The following KLK3 variants were observed in gnomAD, a reference collection of about 807,000 sequenced individuals.
KLK3 encodes the protein kallikrein related peptidase 3.
Under a neutral mutation model 27.7 loss-of-function variants are expected in KLK3, and 23 were observed. That is an observed-to-expected ratio of 0.83 (90% CI 0.60 to 1.17). KLK3 has a LOEUF of 1.17. Among genes scored for constraint, KLK3 ranks in the 50% most tolerant of loss-of-function variants. The probability of loss-of-function intolerance (pLI) is 0.00; values close to 1 mark genes in which losing one functional copy is unlikely to be tolerated. For missense variants in KLK3, 322 were observed against 338.1 expected (o/e 0.95, Z 0.37); for synonymous variants, 142 against 134.2 (o/e 1.06, Z -0.40).
chr19:50,860,426 G>A lies in KLK3; in HGVS notation c.*299G>A. ...TGGGGTACAGAGATGAAAGAGGGGT[G>A]GGATCCACACTGAGAGAGTGGAGAG... is the stretch of plus-strand genomic sequence containing the variant. On this transcript the variant is annotated 3_prime_UTR_variant, in exon 5 of 5. Coordinates refer to ENST00000326003, the MANE Select transcript of KLK3 (RefSeq NM_001648.2). 1 of 272,302 alleles carries A rather than the reference G, an allele frequency of 3.7e-6. No individual in the cohort carries two copies. The highest frequency in any genetic ancestry group is 7.0e-6 in the Non-Finnish European group (1 of 142,958). The allele number at this position is 272,302 out of a possible 1,614,324, so 16.9% of individuals were successfully genotyped here. A position where few individuals can be genotyped will look rare whatever the true frequency, so the allele number is the denominator to read the frequency against.
At chr19:50,859,439 C>T in intron 4 of KLK3, 1 of 994,438 alleles carries the variant, frequency 1.0e-6, no homozygotes, top group Non-Finnish European at 1.6e-6. Flanking sequence ...TGGCTCCAGG[C>T]ATTGTCCCCA....
At position 50,858,938 on chromosome 19, in the gene KLK3, G is replaced by A. The variant is rs949766980; in HGVS notation, c.630+343G>A. 8.8e-6 allele frequency: 4 copies of A among 456,318 alleles called. No homozygotes were observed. The Admixed American group carries it at 1.1e-4, about 13-fold the overall frequency. 28.3% of individuals were successfully genotyped at this position (456,318 alleles called of 1,614,324 possible). On this transcript the variant is annotated intron_variant, in intron 4 of 4. Coordinates refer to ENST00000326003, the MANE Select transcript of KLK3 (RefSeq NM_001648.2). ...CCCAAGCCAGTGAGGGGCACAGGCA[G>A]GAACAGGGACCACAACACAGAAAAG...
At chr19:50,856,523 G>A in intron 2 of KLK3, 124 bp downstream of exon 2, 1 of 1,272,142 alleles carries the variant, frequency 7.9e-7, no homozygotes, top group Non-Finnish European at 1.1e-6. Context: ...GAAAGTTCTG[G>A]TTCAGGTCAC....
intron 1 of KLK3, chr19:50,855,890 A>C: frequency 5.3e-6 from 1 of 189,754 alleles, no homozygotes; most frequent in Non-Finnish European, 1.1e-5. Context: ...ACTTGTACCA[A>C]GTTTCCCTTC....
At chr19:50,859,515 T>C in intron 4 of KLK3, 1 of 1,604,594 alleles carries the variant, frequency 6.2e-7, no homozygotes, top group Non-Finnish European at 8.5e-7. Context: ...CACTCCATTC[T>C]CCACCTACCC....
At chr19:50,856,083 G>A (rs1448006893) in intron 1 of KLK3, 157 bp from the exon 2 acceptor site, 5 of 634,362 alleles carry the variant, frequency 7.9e-6, no homozygotes, top group South Asian at 1.9e-5. Flanking sequence ...AGAATTCCCA[G>A]CCTTTCCCAG....
At position 50,858,375 on chromosome 19, in the gene KLK3, G is replaced by A. The variant is rs949704875; in HGVS notation, c.493+60G>A. On this transcript the variant is annotated intron_variant, in intron 3 of 4. Transcript: ENST00000326003. ...AGATGCCTGGGTCTGAGGGAGGAGG[G>A]GACAGGACTCCTAGGTCTGAGGGAG... 3.1e-6 allele frequency: 5 copies of A among 1,604,552 alleles called. No homozygotes were observed. The South Asian group carries it at 5.6e-5, about 18-fold the overall frequency.
intron 4 of KLK3, chr19:50,859,457 C>T (rs1173196123): frequency 2.3e-6 from 3 of 1,286,978 alleles, no homozygotes; most frequent in African/African-American, 2.9e-5. Context: ...CCACCTGGGC[C>T]CTTACCCAGC....
chr19:50,858,087 G>A lies in KLK3; in HGVS notation c.265G>A (p.Val89Ile), dbSNP rs952505460. ...SLFHPEDTGQ[V>I]FQVSHSFPHP... ...GTTTCATCCTGAAGACACAGGCCAG[G>A]TATTTCAGGTCAGCCACAGCTTCCC... The change falls in exon 3 of 5, where the codon GTA (valine) becomes ATA (isoleucine). Residue 89 changes from valine (V) to isoleucine (I), a missense_variant. Physicochemically the swap from Val to Ile is conservative, Grantham distance 29. Coordinates refer to ENST00000326003, the MANE Select transcript of KLK3 (RefSeq NM_001648.2). 5 of 1,614,018 alleles carry A rather than the reference G, an allele frequency of 3.1e-6. No individual in the cohort carries two copies. Among genetic ancestry groups the A allele is most frequent in the Non-Finnish European group, 4.2e-6 (5 of 1,180,004 alleles).
intron 4 of KLK3, among the ~76,000 whole-genome samples, chr19:50,859,333 GT>G (rs71681086): frequency 0.38 from 57,800 of 151,848 alleles, 11,520 homozygotes; most frequent in African/African-American, 0.43. Context: ...TGGCTCAGGT[GT>G]CCAGAGGCTG....
intron 4 of KLK3, chr19:50,858,820 C>T (rs910123478): frequency 9.7e-5 from 59 of 609,484 alleles, no homozygotes; most frequent in Non-Finnish European, 1.2e-4. Flanking sequence ...GTTCAGCACA[C>T]GGTTACTAGG....
chr19:50,857,323 T>G (rs1447706691), intron 2 of KLK3: 1 of 152,192 alleles, frequency 6.6e-6, no homozygotes, highest in East Asian at 1.9e-4. Context: ...TGGTTCCAGC[T>G]GGAGCTGGGA....
In KLK3 at chr19:50,858,547, G is replaced by A; in HGVS notation, c.582G>A (p.Lys194=). 6.2e-7 allele frequency: 1 copy of A among 1,614,236 alleles called. No individual in the cohort carries two copies. Among genetic ancestry groups the A allele is most frequent in the Non-Finnish European group, 8.5e-7 (1 of 1,180,048 alleles). The change falls in exon 4 of 5, where the codon AAG becomes AAA. Residue 194 remains lysine, a synonymous_variant. Coordinates refer to ENST00000326003, the MANE Select transcript of KLK3 (RefSeq NM_001648.2). ...CAQVHPQKVT[K]FMLCAGRWTG... is the part of the protein sequence containing the mutation. ...AAGTTCACCCTCAGAAGGTGACCAA[G>A]TTCATGCTGTGTGCTGGACGCTGGA...
At chr19:50,856,142 G>A (rs1202889520) in intron 1 of KLK3, 98 bp from the exon 2 acceptor site, 5 of 1,071,284 alleles carry the variant, frequency 4.7e-6, no homozygotes, top group African/African-American at 1.6e-5. Context: ...CTCTGCCCCC[G>A]TGTCTTTTCA....
At chr19:50,856,852 G>T (rs1279246578) in intron 2 of KLK3, 2 of 157,594 alleles carry the variant, frequency 1.3e-5, no homozygotes, top group Admixed American at 6.4e-5. Context: ...GGATGGGCCT[G>T]GGGGGACCCT....
Position 50,860,129 on chromosome 19 carries a change from C to G in KLK3, c.*2C>G, listed in dbSNP as rs536820435. On this transcript the variant is annotated 3_prime_UTR_variant, in exon 5 of 5. Transcript: ENST00000326003. ...GACACCATCGTGGCCAACCCCTGAG[C>G]ACCCCTATCAACCCCCTATTGTAGT... The G allele has an allele frequency of 3.7e-6, 6 of 1,607,792 alleles. No individual in the cohort carries two copies. The highest frequency in any genetic ancestry group is 5.1e-6 in the Non-Finnish European group (6 of 1,174,740).
intron 2 of KLK3, 31 bp downstream of exon 2, chr19:50,856,430 G>A (rs375440900): frequency 1.2e-6 from 2 of 1,606,578 alleles, no homozygotes; most frequent in Non-Finnish European, 1.7e-6. Flanking sequence ...TGGGGAGCAG[G>A]TGTCTGTGTC....
rs1213821986 is a variant in KLK3 at position 50,860,045 on chromosome 19, C to A, written c.704C>A (p.Ala235Asp). The A allele has an allele frequency of 1.9e-6, 3 of 1,614,106 alleles. No homozygotes were observed. Among genetic ancestry groups the A allele is most frequent in the Non-Finnish European group, 2.5e-6 (3 of 1,179,968 alleles). Reference protein sequence around the residue: ...GITSWGSEPCALPERPSLYTK... With the variant: ...GITSWGSEPCDLPERPSLYTK... ...ACGTCATGGGGCAGTGAACCATGTGCCCTGCCCGAAAGGCCTTCCCTGTAC... is the reference window on the plus strand; with the variant it reads ...ACGTCATGGGGCAGTGAACCATGTGACCTGCCCGAAAGGCCTTCCCTGTAC... Residue 235 changes from alanine (A) to aspartate (D), a missense_variant, in exon 5 of 5, where the codon GCC becomes GAC. Coordinates refer to ENST00000326003, the MANE Select transcript of KLK3 (RefSeq NM_001648.2).
chr19:50,858,009 T>A lies in KLK3; in HGVS notation c.207-20T>A, dbSNP rs1193622533. ...CCTTATCATCCTCGCTCCTCATTCCTGCGTCTGCTTCCTCCCCAGCAAAAG... is the reference window on the plus strand; with the variant it reads ...CCTTATCATCCTCGCTCCTCATTCCAGCGTCTGCTTCCTCCCCAGCAAAAG... On this transcript the variant is annotated intron_variant, in intron 2 of 4. Coordinates refer to ENST00000326003, the MANE Select transcript of KLK3 (RefSeq NM_001648.2). 6.3e-7 allele frequency: 1 copy of A among 1,592,214 alleles called. No homozygotes were observed. Among genetic ancestry groups the A allele is most frequent in the African/African-American group, 1.3e-5 (1 of 74,850 alleles).
Sources: allele counts gnomAD v4.1 joint callset (sites outside exome capture counted in the v4.1 genomes callset), GRCh38; gene constraint gnomAD v4.1.1; transcripts MANE v1.5; gene names NCBI Gene and HGNC (gene_info 2026-07-23, HGNC 2026-07-21).